The following LRRC20 variants were observed in gnomAD, a reference collection of about 807,000 sequenced individuals.
LRRC20 encodes leucine-rich repeat-containing protein 20.
LRRC20 carries 11 observed loss-of-function variants against 14.4 expected under a neutral mutation model. That is an observed-to-expected ratio of 0.77 (90% CI 0.48 to 1.27). LRRC20 has a LOEUF of 1.27. Ranked by LOEUF, LRRC20 falls within the 50% of genes most tolerant of loss-of-function variation. The pLI is 0.00. For synonymous variants in LRRC20, 121 were observed against 107.3 expected, an observed-to-expected ratio of 1.13 and a Z score of -0.79; for missense variants, 219 against 251.2, an observed-to-expected ratio of 0.87 and a Z score of 0.87.
intron 1 of LRRC20, 158 bp downstream of exon 1, chr10:70,382,391 C>CA (rs1337604121): frequency 1.6e-4 from 25 of 152,578 alleles, no homozygotes; most frequent in Middle Eastern, 3.4e-3. Flanking sequence ...TGCTCTTTTC[C>CA]ACCGGGTGAC....
chr10:70,350,194 C>T (rs1843247853), intron 2 of LRRC20, among the ~76,000 whole-genome samples: 3 of 152,206 alleles, frequency 2.0e-5, no homozygotes, highest in Admixed American at 2.0e-4. Context: ...CAATGCCAGG[C>T]TCCTCCAGCA....
At chr10:70,336,043 G>C (rs1422825090) in intron 3 of LRRC20, among the ~76,000 whole-genome samples, 1 of 152,200 alleles carries the variant, frequency 6.6e-6, no homozygotes, top group Non-Finnish European at 1.5e-5. Flanking sequence ...AGCAAGATGA[G>C]GGGCTCCTCC....
At chr10:70,364,229 G>T (rs1176850906) in intron 2 of LRRC20, among the ~76,000 whole-genome samples, 2 of 152,176 alleles carry the variant, frequency 1.3e-5, no homozygotes, top group Non-Finnish European at 2.9e-5. Context: ...AGGAACTACA[G>T]GCCAACAAGC....
intron 2 of LRRC20, among the ~76,000 whole-genome samples, chr10:70,360,669 C>T (rs1411741597): frequency 1.3e-5 from 2 of 152,042 alleles, no homozygotes; most frequent in African/African-American, 4.8e-5. Flanking sequence ...TCTTGAACTC[C>T]GGGGTTCAAG....
At chr10:70,323,006 T>C (rs1253072178) in intron 4 of LRRC20, among the ~76,000 whole-genome samples, 1 of 151,858 alleles carries the variant, frequency 6.6e-6, no homozygotes, top group African/African-American at 2.4e-5. Context: ...TCAAATGGCA[T>C]AATGGCTATA....
intron 4 of LRRC20, among the ~76,000 whole-genome samples, chr10:70,317,108 G>A (rs1841892908): frequency 6.6e-6 from 1 of 152,232 alleles, no homozygotes; most frequent in Admixed American, 6.5e-5. Flanking sequence ...CCAGATCCAG[G>A]GGCAGGAGAG....
intron 3 of LRRC20, among the ~76,000 whole-genome samples, chr10:70,327,566 G>A (rs1842375883): frequency 7.0e-6 from 1 of 141,850 alleles, no homozygotes; most frequent in Admixed American, 7.2e-5. Context: ...GGGCTACAAA[G>A]TGAGACTCTA....
rs1722916128 is a variant in LRRC20, at chr10:70,382,586, A to C, written c.-101T>G. ...TCCTAGCGCCCTGCGCAGCGCAGTC[A>C]CGCTCCCTCCGCCGCCGGCGGCGCC... On this transcript the variant is annotated 5_prime_UTR_variant, in exon 1 of 5. Transcript: ENST00000446961. The C allele has an allele frequency of 6.6e-6, 1 of 151,478 alleles. No individual in the cohort carries two copies. Among genetic ancestry groups the C allele is most frequent in the African/African-American group, 2.4e-5 (1 of 41,324 alleles). 9.4% of individuals were successfully genotyped at this position (151,478 alleles called of 1,614,324 possible). A position where few individuals can be genotyped will look rare whatever the true frequency, so the allele number is the denominator to read the frequency against.
rs111557039 is a variant in LRRC20 at position 70,330,606 on chromosome 10, T to C, written c.233-6576A>G. Among the ~76,000 whole-genome samples, 971 of 152,240 alleles carry C rather than the reference T, an allele frequency of 6.4e-3. 5 individuals are homozygous for C. Among genetic ancestry groups the C allele is most frequent in the Non-Finnish European group, 1.0e-2 (677 of 67,998 alleles). On this transcript the variant is annotated intron_variant, in intron 3 of 4. Transcript: ENST00000446961. ...AAAATTGTTAGAGTAAATCTCCAGG[T>C]AGCCAAATCTGAGCTCCATGGGAAG...
At chr10:70,307,564 G>C (rs1841473391) in intron 4 of LRRC20, among the ~76,000 whole-genome samples, 1 of 152,186 alleles carries the variant, frequency 6.6e-6, no homozygotes, top group South Asian at 2.1e-4. Context: ...GTTCTGCTGT[G>C]GGTCACAGCA....
At chr10:70,309,732 T>C (rs1027733508) in intron 4 of LRRC20, among the ~76,000 whole-genome samples, 4 of 152,232 alleles carry the variant, frequency 2.6e-5, no homozygotes, top group African/African-American at 9.6e-5. Context: ...CTCCCTACTC[T>C]GGACTCCCGT....
chr10:70,359,472 T>C (rs1404442167), intron 2 of LRRC20, among the ~76,000 whole-genome samples: 2 of 152,180 alleles, frequency 1.3e-5, no homozygotes, highest in African/African-American at 4.8e-5. Context: ...GCCCAGGAGT[T>C]TGAGGCTGCA....
chr10:70,335,291 C>T (rs1415121651), intron 3 of LRRC20, among the ~76,000 whole-genome samples: 1 of 152,234 alleles, frequency 6.6e-6, no homozygotes, highest in Non-Finnish European at 1.5e-5. Context: ...GGCCCAGTTC[C>T]ACCAGGCTGT....
At chr10:70,302,595 TG>T (rs1449511639) in intron 4 of LRRC20, among the ~76,000 whole-genome samples, 1 of 152,022 alleles carries the variant, frequency 6.6e-6, no homozygotes, top group Non-Finnish European at 1.5e-5. Context: ...TGCTTAAAAA[TG>T]GTTAAAATCA....
Position 70,301,204 on chromosome 10 carries a change from C to T in LRRC20, c.*150G>A. On this transcript the variant is annotated 3_prime_UTR_variant, in exon 5 of 5. Coordinates refer to ENST00000446961, the MANE Select transcript of LRRC20 (RefSeq NM_001278212.2). ...AGAGCCCACTACTGCTGTAAGCTAT[C>T]TATCCAGACCAGCTGCACCCCACCC... 2.6e-5 allele frequency: 37 copies of T among 1,425,658 alleles called. No individual in the cohort carries two copies. The highest frequency in any genetic ancestry group is 3.3e-5 in the Non-Finnish European group (36 of 1,093,770). The allele number at this position is 1,425,658 out of a possible 1,614,324, so 88.3% of individuals were successfully genotyped here. A position where few individuals can be genotyped will look rare whatever the true frequency, so the allele number is the denominator to read the frequency against.
intron 2 of LRRC20, 23 bp downstream of exon 2, chr10:70,376,429 G>A: frequency 1.9e-6 from 3 of 1,612,502 alleles, no homozygotes; most frequent in Non-Finnish European, 2.5e-6. Context: ...AGGGAAGTTG[G>A]GAAAAGCCCT....
intron 2 of LRRC20, among the ~76,000 whole-genome samples, chr10:70,372,773 A>G (rs1231825565): frequency 6.6e-6 from 1 of 151,970 alleles, no homozygotes; most frequent in Non-Finnish European, 1.5e-5. Context: ...TAATCATACA[A>G]TGAAATATTA....
Position 70,340,700 on chromosome 10 carries a change from G to C in LRRC20, c.85C>G (p.Leu29Val). The C allele has an allele frequency of 6.2e-7, 1 of 1,614,138 alleles. No individual in the cohort carries two copies. The highest frequency in any genetic ancestry group is 8.5e-7 in the Non-Finnish European group (1 of 1,180,026). The change falls in exon 3 of 5, where the codon CTG becomes GTG. Residue 29 changes from leucine to valine, a missense_variant and splice_region_variant. Physicochemically the swap from Leu to Val is conservative, Grantham distance 32 (BLOSUM62 1). Transcript: ENST00000446961. ...TVESGSDTLD[L>V]AECKLVSFPI... is the part of the protein sequence containing the mutation. Reference sequence around the variant, plus strand: ...AAGGAGACCAGCTTGCACTCGGCCAGGTCTGCAGCCAAAGAACAAAAACAA... The same window carrying C: ...AAGGAGACCAGCTTGCACTCGGCCACGTCTGCAGCCAAAGAACAAAAACAA...
At position 70,323,736 on chromosome 10, in the gene LRRC20, T is replaced by C. The variant is rs567683863; in HGVS notation, c.400+127A>G. On this transcript the variant is annotated intron_variant, in intron 4 of 4. Coordinates refer to ENST00000446961, the MANE Select transcript of LRRC20 (RefSeq NM_001278212.2). ...GTCTACCTTCCCAGGCCCCATGTCC[T>C]TTGCTCAGGCATCTCAGACAGAAAG... is the stretch of plus-strand genomic sequence containing the variant. 154 of 1,086,342 alleles carry C rather than the reference T, an allele frequency of 1.4e-4. 3 individuals are homozygous for C. The South Asian group carries it at 2.2e-3, about 15-fold the overall frequency. 67.3% of individuals were successfully genotyped at this position (1,086,342 alleles called of 1,614,324 possible). A position where few individuals can be genotyped will look rare whatever the true frequency, so the allele number is the denominator to read the frequency against.
Sources: allele counts gnomAD v4.1 joint callset (sites outside exome capture counted in the v4.1 genomes callset), GRCh38; gene constraint gnomAD v4.1.1; transcripts MANE v1.5; gene names NCBI Gene and HGNC (gene_info 2026-07-23, HGNC 2026-07-21).